The following PPIL6 variants were observed in gnomAD, a reference collection of about 807,000 sequenced individuals.
PPIL6 encodes probable inactive peptidyl-prolyl cis-trans isomerase-like 6.
Under a neutral mutation model 36.8 loss-of-function variants are expected in PPIL6, and 39 were observed. The observed-to-expected ratio is 1.06, with a 90% CI of 0.82 to 1.38. The LOEUF is 1.38. Among genes scored for constraint, PPIL6 ranks in the 40% most tolerant of loss-of-function variants. The pLI is 0.00. For synonymous variants in PPIL6, 123 were observed against 134.1 expected (o/e 0.92, Z 0.57); for missense variants, 368 against 379.1 (o/e 0.97, Z 0.24).
chr6:109,440,225 C>T (rs1774734809), intron 1 of PPIL6: 2 of 619,182 alleles, frequency 3.2e-6, no homozygotes, highest in Non-Finnish European at 6.0e-6. Flanking sequence ...GCTCAGTTCT[C>T]CCTTTAAAAG....
chr6:109,403,303 A>G (rs536669388), intron 6 of PPIL6, among the ~76,000 whole-genome samples: 2 of 152,186 alleles, frequency 1.3e-5, no homozygotes, highest in East Asian at 3.9e-4. Context: ...ATTATTTACC[A>G]ACATAAATTT....
intron 7 of PPIL6, among the ~76,000 whole-genome samples, chr6:109,394,768 C>A (rs1277428915): frequency 6.6e-6 from 1 of 152,206 alleles, no homozygotes; most frequent in Non-Finnish European, 1.5e-5. Flanking sequence ...TGTTCTCCAA[C>A]AAGACAAGAT....
intron 6 of PPIL6, among the ~76,000 whole-genome samples, chr6:109,411,570 T>G (rs1270690435): frequency 2.0e-5 from 3 of 152,208 alleles, no homozygotes; most frequent in African/African-American, 7.2e-5. Context: ...GCTGGTCAAT[T>G]ATCAAGTGCT....
chr6:109,407,425 T>G (rs1357619544), intron 6 of PPIL6, among the ~76,000 whole-genome samples: 1 of 152,018 alleles, frequency 6.6e-6, no homozygotes, highest in African/African-American at 2.4e-5. Flanking sequence ...ATTTTTAGTA[T>G]AGACGGGGTT....
rs1180434935 is a variant in PPIL6 at position 109,397,840 on chromosome 6, CCAAGAAATGTTATTTGGATTTAAATGATT to C, written c.824+2166_824+2194del. 2.6e-3 allele frequency among the ~76,000 whole-genome samples: 391 copies of C among 151,672 alleles called. 2 individuals carry two copies. The highest frequency in any genetic ancestry group is 9.0e-3 in the African/African-American group (374 of 41,326). ...GCAACATGACAGAGATTTAAATGGTCCAAGAAATGTTATTTGGATTTAAATGATTCAAGAAATGTTATTTGGATTTAAAA... is the reference window on the plus strand; with the variant it reads ...GCAACATGACAGAGATTTAAATGGTCCAAGAAATGTTATTTGGATTTAAAA... On this transcript the variant is annotated intron_variant, in intron 7 of 7. Transcript: ENST00000521072.
At chr6:109,414,351 T>G (rs1773146705) in intron 6 of PPIL6, among the ~76,000 whole-genome samples, 1 of 152,196 alleles carries the variant, frequency 6.6e-6, no homozygotes, top group Non-Finnish European at 1.5e-5. Context: ...TACTCACTTC[T>G]GAAATTATTT....
At chr6:109,432,625 CATTT>C (rs1179024662) in intron 2 of PPIL6, among the ~76,000 whole-genome samples, 1 of 151,980 alleles carries the variant, frequency 6.6e-6, no homozygotes. Flanking sequence ...TGAGAATTTG[CATTT>C]ATTTATTTGT....
At chr6:109,429,044 A>T (rs1713182344) in intron 3 of PPIL6, among the ~76,000 whole-genome samples, 1 of 152,256 alleles carries the variant, frequency 6.6e-6, no homozygotes, top group Admixed American at 6.5e-5. Context: ...GTCATCTAGC[A>T]GCCAAACAGG....
At chr6:109,397,108 T>C (rs1207542644) in intron 7 of PPIL6, among the ~76,000 whole-genome samples, 1 of 150,528 alleles carries the variant, frequency 6.6e-6, no homozygotes, top group Non-Finnish European at 1.5e-5. Flanking sequence ...CTTAGCACTC[T>C]GTAAGGTCTT....
intron 6 of PPIL6, among the ~76,000 whole-genome samples, chr6:109,411,812 A>AT (rs1773024699): frequency 1.3e-5 from 2 of 152,142 alleles, no homozygotes; most frequent in South Asian, 2.1e-4. Flanking sequence ...GTATCCAGAG[A>AT]TTTTTTTACT....
rs754639962 is a variant in PPIL6 at position 109,426,945 on chromosome 6, C to T, written c.533G>A (p.Cys178Tyr). Reference sequence around the variant, plus strand: ...TTGAGAAAACCCTGCTTTTCCTGTGCACAAGACCTGAAAATTTTTACATGT... The same window carrying T: ...TTGAGAAAACCCTGCTTTTCCTGTGTACAAGACCTGAAAATTTTTACATGT... ...PKTCKNFQVL[C>Y]TGKAGFSQRG... The change falls in exon 5 of 8, where the codon TGC becomes TAC. Residue 178 changes from cysteine (C) to tyrosine (Y), a missense_variant. Coordinates refer to ENST00000521072, the MANE Select transcript of PPIL6 (RefSeq NM_173672.5). The T allele has an allele frequency of 1.2e-6, 2 of 1,608,092 alleles. No homozygotes were observed. The highest frequency in any genetic ancestry group is 1.1e-5 in the South Asian group (1 of 90,530).
intron 6 of PPIL6, among the ~76,000 whole-genome samples, chr6:109,408,072 A>G (rs1314052534): frequency 1.3e-5 from 2 of 152,222 alleles, no homozygotes; most frequent in Non-Finnish European, 2.9e-5. Context: ...AATTCATTCT[A>G]CAGGAGATTC....
At chr6:109,398,411 G>C (rs563458918) in intron 7 of PPIL6, among the ~76,000 whole-genome samples, 1 of 152,262 alleles carries the variant, frequency 6.6e-6, no homozygotes, top group East Asian at 1.9e-4. Context: ...ATGAACACTG[G>C]CATGACATTC....
At chr6:109,400,491 T>A (rs912652919) in intron 6 of PPIL6, among the ~76,000 whole-genome samples, 3 of 152,188 alleles carry the variant, frequency 2.0e-5, no homozygotes, top group Admixed American at 1.3e-4. Flanking sequence ...CAGCAAACTT[T>A]CTCGTGCTGT....
chr6:109,440,546 G>A lies in PPIL6; in HGVS notation c.45C>T (p.Gly15=), dbSNP rs1190899186. 6.7e-6 allele frequency: 10 copies of A among 1,487,530 alleles called. No individual in the cohort carries two copies. Among genetic ancestry groups the A allele is most frequent in the Non-Finnish European group, 8.0e-6 (9 of 1,120,846 alleles). 92.1% of individuals were successfully genotyped at this position (1,487,530 alleles called of 1,614,324 possible). ...QPCGPPHARC[G]SPSLPERPLQ... ...GCGGCCGCTCCGGCAGCGACGGCGA[G>A]CCGCACCTAGCGTGCGGGGGCCCGC... The change falls in exon 1 of 8, where the codon GGC becomes GGT. Residue 15 remains glycine, a synonymous_variant. Transcript: ENST00000521072.
intron 1 of PPIL6, among the ~76,000 whole-genome samples, chr6:109,437,337 G>A (rs1774500513): frequency 6.6e-6 from 1 of 152,150 alleles, no homozygotes; most frequent in Non-Finnish European, 1.5e-5. Flanking sequence ...AAAAGAGGGT[G>A]CTGGCCTAGC....
intron 5 of PPIL6, among the ~76,000 whole-genome samples, chr6:109,421,151 A>G (rs1773523445): frequency 6.6e-6 from 1 of 151,812 alleles, no homozygotes; most frequent in Non-Finnish European, 1.5e-5. Context: ...TCCCTCCCAC[A>G]CCCACCAACA....
intron 5 of PPIL6, among the ~76,000 whole-genome samples, chr6:109,419,686 G>A (rs1031697200): frequency 4.0e-5 from 6 of 151,694 alleles, no homozygotes; most frequent in Non-Finnish European, 8.8e-5. Flanking sequence ...TTGCGCCATT[G>A]CACTCCAGCC....
At chr6:109,415,853 GA>G (rs1314408453) in intron 6 of PPIL6, among the ~76,000 whole-genome samples, 2 of 152,202 alleles carry the variant, frequency 1.3e-5, no homozygotes, top group Non-Finnish European at 2.9e-5. Context: ...GGGACTAGTA[GA>G]CCACTTTGAT....
Sources: allele counts gnomAD v4.1 joint callset (sites outside exome capture counted in the v4.1 genomes callset), GRCh38; gene constraint gnomAD v4.1.1; transcripts MANE v1.5; gene names NCBI Gene and HGNC (gene_info 2026-07-23, HGNC 2026-07-21).